SLC35F4: variants seen among roughly 807,000 people sequenced by gnomAD.
SLC35F4 encodes solute carrier family 35 member F4, also known as chromosome 14 open reading frame 36.
In SLC35F4, 24 loss-of-function variants were observed where a neutral mutation model predicts 44.2. That is an observed-to-expected ratio of 0.54 (90% CI 0.39 to 0.76). The LOEUF (loss-of-function observed/expected upper bound fraction) is 0.76. Among genes scored for constraint, SLC35F4 ranks in the 30% least tolerant of loss-of-function variants. SLC35F4 has a pLI of 0.00. For missense variants in SLC35F4, 562 were observed against 586.1 expected (o/e 0.96, Z 0.42); for synonymous variants, 238 against 223.6 (o/e 1.06, Z -0.57).
chr14:57,566,437 A>G, intron 7 of SLC35F4, 38 bp downstream of exon 7: 1 of 1,543,098 alleles, frequency 6.5e-7, no homozygotes, highest in Non-Finnish European at 8.8e-7. Context: ...AGAGACTTGT[A>G]GTGGCCAGGA....
chr14:57,780,742 A>G (rs1453965831), intron 1 of SLC35F4, among the ~76,000 whole-genome samples: 1 of 152,146 alleles, frequency 6.6e-6, no homozygotes, highest in Non-Finnish European at 1.5e-5. Flanking sequence ...ACAGACACAT[A>G]TAAAACATAA....
chr14:57,746,815 T>C (rs2076766596), intron 1 of SLC35F4, among the ~76,000 whole-genome samples: 2 of 152,122 alleles, frequency 1.3e-5, no homozygotes, highest in Non-Finnish European at 2.9e-5. Flanking sequence ...TAACCAGAAA[T>C]GCAAAGTTAG....
chr14:57,962,011 A>G (rs1890348479), intron 1 of SLC35F4, among the ~76,000 whole-genome samples: 1 of 152,234 alleles, frequency 6.6e-6, no homozygotes, highest in Admixed American at 6.5e-5. Context: ...TTGAAGGAAT[A>G]ACTAAATAAG....
At chr14:57,677,358 A>G (rs936820411) in intron 1 of SLC35F4, among the ~76,000 whole-genome samples, 4 of 152,084 alleles carry the variant, frequency 2.6e-5, no homozygotes, top group South Asian at 2.1e-4. Context: ...TGACCACTAA[A>G]GACCTTATCC....
chr14:57,898,281 T>A (rs899210157), intron 1 of SLC35F4, among the ~76,000 whole-genome samples: 1 of 152,244 alleles, frequency 6.6e-6, no homozygotes, highest in Admixed American at 6.5e-5. Context: ...CATCTCTGCA[T>A]TTTCTGTTTA....
rs1305129525 is a variant in SLC35F4, at chr14:57,564,368, G to A, written c.1225C>T (p.Leu409Phe). ...LSVPGNAAVDLLKQEVIFNVV... is the reference protein window; with the variant it reads ...LSVPGNAAVDFLKQEVIFNVV... ...TTGAATATCACCTCCTGCTTTAGGAGATCCACAGCTAGGAAAGAAAAATCA... is the reference window on the plus strand; with the variant it reads ...TTGAATATCACCTCCTGCTTTAGGAAATCCACAGCTAGGAAAGAAAAATCA... The change falls in exon 8 of 8, where the codon CTC (leucine) becomes TTC (phenylalanine). Residue 409 changes from leucine to phenylalanine, a missense_variant. Transcript: ENST00000556826. The A allele has an allele frequency of 6.2e-7, 1 of 1,604,952 alleles. No individual in the cohort carries two copies. The highest frequency in any genetic ancestry group is 1.1e-5 in the South Asian group (1 of 89,174).
intron 4 of SLC35F4, among the ~76,000 whole-genome samples, chr14:57,577,385 C>G (rs2139763362): frequency 6.6e-6 from 1 of 152,258 alleles, no homozygotes; most frequent in Middle Eastern, 3.4e-3. Flanking sequence ...AAATATGTGG[C>G]TCCCAAGCCA....
intron 1 of SLC35F4, among the ~76,000 whole-genome samples, chr14:57,759,549 C>T (rs2077073742): frequency 6.6e-6 from 1 of 152,008 alleles, no homozygotes; most frequent in African/African-American, 2.4e-5. Context: ...CACTGCACTC[C>T]AGCCTGGGTG....
rs551282232 is a variant in SLC35F4, at chr14:57,788,385, A to T, written c.103+77338T>A. Among the ~76,000 whole-genome samples, 6 of 152,300 alleles carry T rather than the reference A, an allele frequency of 3.9e-5. No individual in the cohort carries two copies. In the South Asian group the frequency reaches 1.2e-3, roughly 32 times the overall value. ...AAGACAGAAAGTCAATGAAGAAACAATGGATTTAACTATACTTTGGAACAA... is the reference window on the plus strand; with the variant it reads ...AAGACAGAAAGTCAATGAAGAAACATTGGATTTAACTATACTTTGGAACAA... On this transcript the variant is annotated intron_variant, in intron 1 of 7. Coordinates refer to ENST00000556826, the MANE Select transcript of SLC35F4 (RefSeq NM_001306087.2).
chr14:57,860,263 G>C (rs1887566497), intron 1 of SLC35F4, among the ~76,000 whole-genome samples: 1 of 152,070 alleles, frequency 6.6e-6, no homozygotes, highest in Non-Finnish European at 1.5e-5. Context: ...GCTTCCAATA[G>C]ACAACCATCA....
At chr14:57,634,074 A>G (rs115987007) in intron 1 of SLC35F4, among the ~76,000 whole-genome samples, 21 of 152,248 alleles carry the variant, frequency 1.4e-4, no homozygotes, top group African/African-American at 3.8e-4. Flanking sequence ...AAAATGAGAT[A>G]AGGACCAAGA....
chr14:57,709,555 T>C (rs931624272), intron 1 of SLC35F4, among the ~76,000 whole-genome samples: 9 of 152,200 alleles, frequency 5.9e-5, no homozygotes, highest in African/African-American at 1.2e-4. Context: ...TTTATTATAC[T>C]GGAACAGCTC....
chr14:57,893,683 T>C (rs557981822), intron 1 of SLC35F4, among the ~76,000 whole-genome samples: 24 of 152,158 alleles, frequency 1.6e-4, no homozygotes, highest in Non-Finnish European at 3.1e-4. Context: ...TTAACAGCCA[T>C]ACCAGCAACA....
chr14:57,566,678 AC>A, intron 6 of SLC35F4, 114 bp from the exon 7 acceptor site: 1 of 1,003,710 alleles, frequency 1.0e-6, no homozygotes, highest in Non-Finnish European at 1.5e-6. Context: ...AACTGTCTAT[AC>A]CTTTGATCCT....
At chr14:57,657,897 A>C (rs2074017808) in intron 1 of SLC35F4, among the ~76,000 whole-genome samples, 1 of 152,200 alleles carries the variant, frequency 6.6e-6, no homozygotes, top group Admixed American at 6.5e-5. Flanking sequence ...TAGTGGTATA[A>C]AGTTGGTAAG....
At chr14:57,750,260 T>C (rs2076853064) in intron 1 of SLC35F4, among the ~76,000 whole-genome samples, 1 of 152,222 alleles carries the variant, frequency 6.6e-6, no homozygotes, top group South Asian at 2.1e-4. Flanking sequence ...ATTGTGTATA[T>C]ATATACCACA....
At chr14:57,802,748 TC>T in intron 1 of SLC35F4, among the ~76,000 whole-genome samples, 1 of 151,890 alleles carries the variant, frequency 6.6e-6, no homozygotes, top group East Asian at 1.9e-4. Flanking sequence ...ACAGACACCC[TC>T]CCAAGACTGA....
At chr14:57,576,224 A>G (rs949229393) in intron 4 of SLC35F4, among the ~76,000 whole-genome samples, 2 of 152,186 alleles carry the variant, frequency 1.3e-5, no homozygotes, top group Non-Finnish European at 2.9e-5. Flanking sequence ...TTAAGATTTT[A>G]AAGGTCAAGA....
At chr14:57,876,547 A>G (rs1202239601) in intron 1 of SLC35F4, among the ~76,000 whole-genome samples, 1 of 152,218 alleles carries the variant, frequency 6.6e-6, no homozygotes, top group Non-Finnish European at 1.5e-5. Context: ...ATTCTGCCAT[A>G]TAAAAATTAC....
Sources: gnomAD v4.1 joint callset for allele counts (sites outside exome capture counted in the v4.1 genomes callset) on GRCh38, gnomAD v4.1.1 for gene constraint, MANE v1.5 for transcripts, NCBI Gene and HGNC (gene_info 2026-07-23, HGNC 2026-07-21) for gene names.